Variants in CDH23 observed in about 807,000 individuals in gnomAD.
The protein encoded by CDH23 is cadherin-23.
In CDH23, 189 loss-of-function variants were observed where a neutral mutation model predicts 317.1. The observed-to-expected ratio is 0.60, with a 90% CI of 0.53 to 0.67. The LOEUF is 0.67. Ranked by LOEUF, CDH23 falls within the 30% of genes least tolerant of loss-of-function variation. The pLI is 0.00. For synonymous variants in CDH23, 1,839 were observed against 1,876.8 expected (o/e 0.98, Z 0.52); for missense variants, 4,401 against 4,592.4 (o/e 0.96, Z 1.20).
At chr10:71,797,721 G>A (rs377568156) in intron 49 of CDH23, among the ~76,000 whole-genome samples, 1 of 152,196 alleles carries the variant, frequency 6.6e-6, no homozygotes, top group African/African-American at 2.4e-5. Flanking sequence ...GGGGCCCAGT[G>A]TTACCTTCTG....
At chr10:71,743,099 A>G (rs926326840) in intron 38 of CDH23, among the ~76,000 whole-genome samples, 5 of 152,236 alleles carry the variant, frequency 3.3e-5, no homozygotes, top group Non-Finnish European at 5.9e-5. Context: ...AACTGGCACA[A>G]GGTCACTTCT....
intron 9 of CDH23, among the ~76,000 whole-genome samples, chr10:71,611,044 G>A (rs914552125): frequency 2.6e-5 from 4 of 151,374 alleles, no homozygotes; most frequent in African/African-American, 9.8e-5. Context: ...ACAGATGAAA[G>A]GCTTCCCTGG....
chr10:71,546,473 T>C (rs897720782), intron 6 of CDH23, among the ~76,000 whole-genome samples: 11 of 152,192 alleles, frequency 7.2e-5, no homozygotes, highest in Admixed American at 6.5e-4. Flanking sequence ...CAGTGCAGAA[T>C]GTGGGCTCTG....
At chr10:71,499,238 A>G (rs1853142627) in intron 3 of CDH23, among the ~76,000 whole-genome samples, 1 of 152,194 alleles carries the variant, frequency 6.6e-6, no homozygotes, top group African/African-American at 2.4e-5. Flanking sequence ...GATGGTTACC[A>G]GTGGCTGGGG....
At chr10:71,411,811 A>G (rs751323793) in intron 1 of CDH23, among the ~76,000 whole-genome samples, 1 of 152,252 alleles carries the variant, frequency 6.6e-6, no homozygotes, top group African/African-American at 2.4e-5. Context: ...TAAAATGTAC[A>G]TAACATAAAA....
rs1157786977 is a variant in CDH23, at chr10:71,811,972, G to A, written c.9337G>A (p.Asp3113Asn). The A allele has an allele frequency of 5.0e-6, 8 of 1,608,724 alleles. No individual in the cohort carries two copies. Among genetic ancestry groups the A allele is most frequent in the East Asian group, 2.2e-5 (1 of 44,660 alleles). ...AGSAGNRGFI[D>N]IMDMPNTNKY... is the part of the protein sequence containing the mutation. ...CCCTGCAGGGAATCGTGGCTTCATCGACATCATGGACATGCCTAACACCAA... is the reference window on the plus strand; with the variant it reads ...CCCTGCAGGGAATCGTGGCTTCATCAACATCATGGACATGCCTAACACCAA... The change falls in exon 66 of 70, where the codon GAC becomes AAC. Residue 3113 changes from aspartate (D) to asparagine (N), a missense_variant. Asp to Asn is a conservative substitution (Grantham distance 23). Coordinates refer to ENST00000224721, the MANE Select transcript of CDH23 (RefSeq NM_022124.6).
At chr10:71,627,488 G>T (rs548724265) in intron 11 of CDH23, among the ~76,000 whole-genome samples, 1 of 152,280 alleles carries the variant, frequency 6.6e-6, no homozygotes, top group Non-Finnish European at 1.5e-5. Flanking sequence ...GGTGGCCTCT[G>T]CCATGAGTCA....
intron 28 of CDH23, 90 bp from the exon 29 acceptor site, chr10:71,723,955 T>G (rs1197630779): frequency 1.6e-5 from 23 of 1,422,610 alleles, no homozygotes; most frequent in Non-Finnish European, 2.2e-5. Context: ...TGGGGTAGGA[T>G]GCGTGAAGGG....
chr10:71,813,800 CAG>C (rs1052833454), intron 69 of CDH23, among the ~76,000 whole-genome samples: 4 of 152,066 alleles, frequency 2.6e-5, no homozygotes, highest in African/African-American at 4.8e-5. Flanking sequence ...CCCAGCTACT[CAG>C]GGGGCTGAGG....
At chr10:71,412,333 G>C (rs1211197624) in intron 1 of CDH23, among the ~76,000 whole-genome samples, 2 of 152,178 alleles carry the variant, frequency 1.3e-5, no homozygotes, top group African/African-American at 4.8e-5. Flanking sequence ...TAGGTGTGGA[G>C]TTCCTGGATA....
At chr10:71,587,679 T>C (rs1329727427) in intron 9 of CDH23, among the ~76,000 whole-genome samples, 1 of 152,080 alleles carries the variant, frequency 6.6e-6, no homozygotes, top group African/African-American at 2.4e-5. Context: ...TCCTCGTAGC[T>C]CCCACCTCAG....
chr10:71,722,119 G>T (rs1406247671), intron 28 of CDH23, among the ~76,000 whole-genome samples: 1 of 152,162 alleles, frequency 6.6e-6, no homozygotes, highest in Non-Finnish European at 1.5e-5. Flanking sequence ...AGGGCTTCGG[G>T]TGGCAAGAAA....
chr10:71,628,080 CCT>C (rs1237945528), intron 11 of CDH23, among the ~76,000 whole-genome samples: 10 of 152,350 alleles, frequency 6.6e-5, no homozygotes, highest in East Asian at 5.8e-4. Context: ...TTGTTTTCCC[CCT>C]GTCTTGAACA....
chr10:71,480,616 T>C (rs574279366), intron 3 of CDH23, among the ~76,000 whole-genome samples: 117 of 152,174 alleles, frequency 7.7e-4, no homozygotes, highest in African/African-American at 2.7e-3. Flanking sequence ...GAAGGCAAGA[T>C]GGAGCAGGAC....
At chr10:71,585,294 A>C in intron 9 of CDH23, among the ~76,000 whole-genome samples, 1 of 152,198 alleles carries the variant, frequency 6.6e-6, no homozygotes, top group Non-Finnish European at 1.5e-5. Context: ...TCATAGGAAA[A>C]GCCTGTTAAT....
chr10:71,717,318 G>A (rs937597799), intron 28 of CDH23: 1 of 152,304 alleles, frequency 6.6e-6, no homozygotes, highest in Non-Finnish European at 1.5e-5. Context: ...GTCAGAAGCA[G>A]GTCTCCTGAC....
At chr10:71,471,181 G>A (rs1312233723) in intron 3 of CDH23, among the ~76,000 whole-genome samples, 7 of 152,156 alleles carry the variant, frequency 4.6e-5, no homozygotes, top group Admixed American at 1.3e-4. Flanking sequence ...ACTCTTGACC[G>A]CAGTCCCTGG....
At chr10:71,796,993 G>T in intron 48 of CDH23, 111 bp from the exon 49 acceptor site, 1 of 694,198 alleles carries the variant, frequency 1.4e-6, no homozygotes. Flanking sequence ...GATTCTACTG[G>T]GGACCGTCAT....
intron 38 of CDH23, chr10:71,755,011 C>T (rs1350541528): frequency 6.3e-6 from 3 of 477,400 alleles, no homozygotes; most frequent in African/African-American, 5.9e-5. Context: ...CAAGCACGCC[C>T]ATACCTTAAA....
Sources: gnomAD v4.1 joint callset for allele counts (sites outside exome capture counted in the v4.1 genomes callset) on GRCh38, gnomAD v4.1.1 for gene constraint, MANE v1.5 for transcripts, NCBI Gene and HGNC (gene_info 2026-07-23, HGNC 2026-07-21) for gene names.